The following PRKN variants were observed in gnomAD, a reference collection of about 807,000 sequenced individuals.
PRKN encodes parkin RBR E3 ubiquitin protein ligase.
A neutral mutation model predicts 59.5 loss-of-function variants in PRKN; 56 were observed. The ratio of observed to expected loss-of-function variants is 0.94; its 90% CI spans 0.76 to 1.18. PRKN has a LOEUF of 1.18. PRKN is among the 50% of genes most tolerant of loss of function. PRKN has a pLI of 0.00. For missense variants in PRKN, 657 were observed against 596.4 expected, an observed-to-expected ratio of 1.10 and a Z score of -1.06; for synonymous variants, 250 against 222.1, an observed-to-expected ratio of 1.13 and a Z score of -1.12.
chr6:162,205,110 C>T (rs1784883930), intron 3 of PRKN, among the ~76,000 whole-genome samples: 1 of 152,090 alleles, frequency 6.6e-6, no homozygotes, highest in Non-Finnish European at 1.5e-5. Flanking sequence ...ATCTGCCCAC[C>T]TCAGCCTCTC....
chr6:162,184,617 C>G (rs1783945613), intron 4 of PRKN, among the ~76,000 whole-genome samples: 1 of 152,150 alleles, frequency 6.6e-6, no homozygotes, highest in African/African-American at 2.4e-5. Flanking sequence ...TGAGACCTCC[C>G]TAGCCATGCG....
chr6:162,644,559 G>C (rs1778091645), intron 1 of PRKN, among the ~76,000 whole-genome samples: 1 of 151,998 alleles, frequency 6.6e-6, no homozygotes, highest in Non-Finnish European at 1.5e-5. Context: ...AATAACCGTT[G>C]AATATTTTCA....
chr6:161,573,797 A>ATATAG (rs1554278446), intron 7 of PRKN, among the ~76,000 whole-genome samples: 1 of 67,832 alleles, frequency 1.5e-5, no homozygotes, highest in Non-Finnish European at 3.1e-5. Flanking sequence ...TATATATATA[A>ATATAG]AACTTCATTC....
intron 6 of PRKN, among the ~76,000 whole-genome samples, chr6:161,879,672 GGGA>G (rs1481756130): frequency 6.6e-6 from 1 of 152,086 alleles, no homozygotes; most frequent in Non-Finnish European, 1.5e-5. Context: ...TGAAATTGAA[GGGA>G]GTAGTGTCAA....
intron 6 of PRKN, among the ~76,000 whole-genome samples, chr6:161,900,276 G>C (rs1018519150): frequency 1.3e-5 from 2 of 150,912 alleles, no homozygotes; most frequent in Non-Finnish European, 2.9e-5. Flanking sequence ...AGATGTGAAC[G>C]TGTTGAAATG....
In PRKN at chr6:162,186,133, T is replaced by A. The variant is rs61065201; in HGVS notation, c.534+14998A>T. Among the ~76,000 whole-genome samples, 1,111 of 152,192 alleles carry A rather than the reference T, an allele frequency of 7.3e-3. 11 individuals are homozygous for A. Among genetic ancestry groups the A allele is most frequent in the African/African-American group, 0.025 (1,044 of 41,532 alleles). On this transcript the variant is annotated intron_variant, in intron 4 of 11. Transcript: ENST00000366898. ...GGTTATTAAATCAATAAAGACAATG[T>A]GTGTGAAAATACTTTTTGAGCTGTA...
intron 6 of PRKN, among the ~76,000 whole-genome samples, chr6:161,912,559 CAAG>C (rs1778404189): frequency 6.6e-6 from 1 of 151,958 alleles, no homozygotes; most frequent in African/African-American, 2.4e-5. Context: ...AGTACAGCTG[CAAG>C]AAGAACACAG....
chr6:161,442,203 C>A lies in PRKN; in HGVS notation c.1084-55326G>T, dbSNP rs1789268713. 6.6e-6 allele frequency among the ~76,000 whole-genome samples: 1 copy of A among 152,184 alleles called. No homozygotes were observed. The highest frequency in any genetic ancestry group is 1.5e-5 in the Non-Finnish European group (1 of 68,040). ...GTCTGTCAGAAAGATTTTTAATCAT[C>A]TTTAAGTAAACTTCAATTTCTCTGA... On this transcript the variant is annotated intron_variant, in intron 9 of 11. Coordinates refer to ENST00000366898, the MANE Select transcript of PRKN (RefSeq NM_004562.3). This position sits in a 1 kb window ranked among gnomAD's most constrained non-coding sequence, Gnocchi z 4.6.
intron 1 of PRKN, among the ~76,000 whole-genome samples, chr6:162,686,647 C>T (rs1235546375): frequency 1.3e-5 from 2 of 152,138 alleles, no homozygotes; most frequent in Non-Finnish European, 1.5e-5. Flanking sequence ...CATGATGGCT[C>T]GTGCCTGTAA....
At chr6:162,450,160 G>A (rs1458252877) in intron 1 of PRKN, among the ~76,000 whole-genome samples, 1 of 152,068 alleles carries the variant, frequency 6.6e-6, no homozygotes, top group Non-Finnish European at 1.5e-5. Flanking sequence ...AATGATGAAG[G>A]TGCGTTATCA....
intron 7 of PRKN, among the ~76,000 whole-genome samples, chr6:161,609,189 T>G (rs1782396526): frequency 6.6e-6 from 1 of 152,214 alleles, no homozygotes; most frequent in Non-Finnish European, 1.5e-5. Context: ...GCTAGGAGAT[T>G]GCATTTTGAA....
chr6:162,472,654 A>AT lies in PRKN; in HGVS notation c.8-29182dup, dbSNP rs1214037792. On this transcript the variant is annotated intron_variant, in intron 1 of 11. Coordinates refer to ENST00000366898, the MANE Select transcript of PRKN (RefSeq NM_004562.3). ...AGGCGCCCGCCACCACGCCCGGCTA[A>AT]TTTTTTTTTTGTATTTTTAGTAGAG... 1.3e-4 allele frequency among the ~76,000 whole-genome samples: 15 copies of AT among 117,796 alleles called. 2 individuals carry two copies. The highest frequency in any genetic ancestry group is 1.2e-3 in the South Asian group (4 of 3,270). 77.3% of individuals were successfully genotyped at this position (117,796 alleles called of 152,430 possible). A position where few individuals can be genotyped will look rare whatever the true frequency, so the allele number is the denominator to read the frequency against.
At chr6:161,797,149 T>C (rs1305180330) in intron 6 of PRKN, among the ~76,000 whole-genome samples, 1 of 152,260 alleles carries the variant, frequency 6.6e-6, no homozygotes, top group Non-Finnish European at 1.5e-5. Flanking sequence ...TGCTGTTGAC[T>C]CACCAAAACC....
intron 1 of PRKN, among the ~76,000 whole-genome samples, chr6:162,619,441 T>C (rs1782567007): frequency 1.3e-5 from 2 of 152,076 alleles, no homozygotes; most frequent in South Asian, 4.1e-4. Flanking sequence ...CTACTTTAGC[T>C]AGTGTACAAT....
chr6:161,571,806 C>T (rs974744728), intron 7 of PRKN, among the ~76,000 whole-genome samples: 2 of 152,110 alleles, frequency 1.3e-5, no homozygotes, highest in African/African-American at 4.8e-5. Flanking sequence ...GATCCACTCT[C>T]AGCAATGTGG....
intron 6 of PRKN, among the ~76,000 whole-genome samples, chr6:161,895,344 C>T (rs1290712388): frequency 6.6e-6 from 1 of 152,186 alleles, no homozygotes; most frequent in East Asian, 1.9e-4. Context: ...CCATGGAGGG[C>T]TCACAGAACT....
In PRKN at chr6:161,707,801, G is replaced by A. The variant is rs749257277; in HGVS notation, c.871+77971C>T. 5.3e-5 allele frequency among the ~76,000 whole-genome samples: 8 copies of A among 152,172 alleles called. No homozygotes were observed. In the East Asian group the frequency reaches 1.4e-3, roughly 26 times the overall value. ...AGACCAGTCCTCATCCTACACCTCC[G>A]TCACTGCCTGCTGCTTTTTTTATCC... On this transcript the variant is annotated intron_variant, in intron 7 of 11. Transcript: ENST00000366898.
chr6:162,544,954 G>A (rs996507883), intron 1 of PRKN, among the ~76,000 whole-genome samples: 1 of 149,854 alleles, frequency 6.7e-6, no homozygotes, highest in Non-Finnish European at 1.5e-5. Context: ...TGGGATTACA[G>A]GTGTGAGCCA....
At chr6:162,584,554 C>G (rs1583853360) in intron 1 of PRKN, among the ~76,000 whole-genome samples, 1 of 151,900 alleles carries the variant, frequency 6.6e-6, no homozygotes, top group Non-Finnish European at 1.5e-5. Context: ...ATCCAGGAGT[C>G]AGAAGGTGAA....
Sources: allele counts gnomAD v4.1 joint callset (sites outside exome capture counted in the v4.1 genomes callset), GRCh38; gene constraint gnomAD v4.1.1; non-coding constraint Gnocchi (gnomAD v3.1); transcripts MANE v1.5; gene names NCBI Gene and HGNC (gene_info 2026-07-23, HGNC 2026-07-21).